ARHGAP15: variants seen among roughly 807,000 people sequenced by gnomAD.
ARHGAP15 encodes Rho GTPase activating protein 15.
Under a neutral mutation model 63.7 loss-of-function variants are expected in ARHGAP15, and 51 were observed. The observed-to-expected ratio is 0.80, with a 90% CI of 0.64 to 1.01. The LOEUF (loss-of-function observed/expected upper bound fraction) is 1.01. ARHGAP15 is among the 50% of genes least tolerant of loss of function. The pLI, the probability that ARHGAP15 is intolerant of heterozygous loss-of-function variation, is 0.00. For synonymous variants in ARHGAP15, 191 were observed against 193.8 expected (o/e 0.99, Z 0.12); for missense variants, 560 against 564.6 (o/e 0.99, Z 0.08).
intron 9 of ARHGAP15, among the ~76,000 whole-genome samples, chr2:143,493,012 T>C (rs1422979733): frequency 5.6e-5 from 8 of 144,042 alleles, no homozygotes. Flanking sequence ...GAGCCGAGAA[T>C]ACGCCACTGC....
chr2:143,511,194 T>C (rs1014269547), intron 9 of ARHGAP15, among the ~76,000 whole-genome samples: 2 of 152,234 alleles, frequency 1.3e-5, no homozygotes, highest in East Asian at 1.9e-4. Flanking sequence ...ATTCTCTAGT[T>C]AAACACTAAT....
chr2:143,257,668 C>T (rs1049886777), intron 6 of ARHGAP15, among the ~76,000 whole-genome samples: 8 of 152,088 alleles, frequency 5.3e-5, no homozygotes, highest in Non-Finnish European at 1.5e-5. Flanking sequence ...GTGGTAGTCT[C>T]TATGCCATCC....
chr2:143,754,971 G>C (rs1438317450), intron 13 of ARHGAP15, among the ~76,000 whole-genome samples: 1 of 152,184 alleles, frequency 6.6e-6, no homozygotes, highest in Non-Finnish European at 1.5e-5. Context: ...TGAGGGCACA[G>C]TGTTGCTGAC....
At chr2:143,713,122 T>C (rs1323545120) in intron 13 of ARHGAP15, among the ~76,000 whole-genome samples, 1 of 152,238 alleles carries the variant, frequency 6.6e-6, no homozygotes, top group Non-Finnish European at 1.5e-5. Context: ...TCCATTTTCA[T>C]GCTTCTGATA....
chr2:143,766,305 C>A (rs1184275604), intron 13 of ARHGAP15, among the ~76,000 whole-genome samples: 2 of 152,142 alleles, frequency 1.3e-5, no homozygotes, highest in Non-Finnish European at 2.9e-5. Context: ...TTCTCCCAAC[C>A]AGGACGTAAC....
At chr2:143,372,349 TAAAAAAAAAAAA>T (rs35140789) in intron 6 of ARHGAP15, among the ~76,000 whole-genome samples, 2 of 114,200 alleles carry the variant, frequency 1.8e-5, no homozygotes, top group East Asian at 5.1e-4. Flanking sequence ...GTAGTCGATT[TAAAAAAAAAAAA>T]AAAAAAAAAA....
At chr2:143,190,923 A>C (rs565918256) in intron 2 of ARHGAP15, among the ~76,000 whole-genome samples, 1 of 152,136 alleles carries the variant, frequency 6.6e-6, no homozygotes, top group Non-Finnish European at 1.5e-5. Context: ...GGCGTGCGTC[A>C]CCATGCCCAG....
At chr2:143,631,747 A>G (rs371421592) in intron 12 of ARHGAP15, among the ~76,000 whole-genome samples, 1 of 152,024 alleles carries the variant, frequency 6.6e-6, no homozygotes, top group African/African-American at 2.4e-5. Flanking sequence ...CACCCATTCT[A>G]TGGCTTTGTT....
intron 11 of ARHGAP15, among the ~76,000 whole-genome samples, chr2:143,608,920 A>G (rs149043702): frequency 6.6e-6 from 1 of 152,332 alleles, no homozygotes; most frequent in African/African-American, 2.4e-5. Flanking sequence ...TTTAGAATGA[A>G]AAACTTCAGC....
chr2:143,435,644 T>C lies in ARHGAP15; in HGVS notation c.518T>C (p.Ile173Thr). ...SGNEFLLQSD[I>T]DFIILDWFHA... ...AATGAGTTCCTTCTACAGTCAGATA[T>C]TGACTTCATCATATTGGATTGGTTC... The change falls in exon 7 of 14, where the codon ATT becomes ACT. Residue 173 changes from isoleucine (I) to threonine (T), a missense_variant. Physicochemically the swap from Ile to Thr is moderately conservative, Grantham distance 89. Coordinates refer to ENST00000295095, the MANE Select transcript of ARHGAP15 (RefSeq NM_018460.4). 3 of 1,606,508 alleles carry C rather than the reference T, an allele frequency of 1.9e-6. No homozygotes were observed. The highest frequency in any genetic ancestry group is 2.5e-6 in the Non-Finnish European group (3 of 1,177,588).
Position 143,203,527 on chromosome 2 carries a change from T to C in ARHGAP15, c.234+1325T>C, listed in dbSNP as rs115735078. On this transcript the variant is annotated intron_variant, in intron 3 of 13. Coordinates refer to ENST00000295095, the MANE Select transcript of ARHGAP15 (RefSeq NM_018460.4). ...TGAATCAATTGCCTAGTGGGTACAA[T>C]GCTCACTGTTTGGGTAGTGGGTACA... Among the ~76,000 whole-genome samples, 543 of 152,226 alleles carry C rather than the reference T, an allele frequency of 3.6e-3. 4 individuals are homozygous for C. Among genetic ancestry groups the C allele is most frequent in the African/African-American group, 0.012 (501 of 41,540 alleles).
In ARHGAP15 at chr2:143,186,748, T is replaced by A. The variant is rs544891835; in HGVS notation, c.166-15386T>A. Among the ~76,000 whole-genome samples the A allele has an allele frequency of 9.8e-4, 149 of 152,330 alleles. No individual in the cohort carries two copies. In the Middle Eastern group the frequency reaches 0.01, roughly 10 times the overall value. ...ATTTCTCCCGAAACAAACACTTTGA[T>A]CATTTAAAAATGATGGCTCTTGCTG... On this transcript the variant is annotated intron_variant, in intron 2 of 13. Coordinates refer to ENST00000295095, the MANE Select transcript of ARHGAP15 (RefSeq NM_018460.4).
intron 8 of ARHGAP15, among the ~76,000 whole-genome samples, chr2:143,481,497 TC>T (rs1393086714): frequency 2.0e-5 from 3 of 152,118 alleles, no homozygotes; most frequent in Non-Finnish European, 4.4e-5. Flanking sequence ...CAAAATAAGG[TC>T]CCCAGAAAGA....
intron 6 of ARHGAP15, among the ~76,000 whole-genome samples, chr2:143,270,130 G>A (rs1472272278): frequency 1.3e-5 from 2 of 151,914 alleles, no homozygotes; most frequent in Admixed American, 6.6e-5. Flanking sequence ...GCACCCCCAC[G>A]CCTGGCTAAT....
intron 13 of ARHGAP15, among the ~76,000 whole-genome samples, chr2:143,733,346 G>C (rs1685622003): frequency 6.6e-6 from 1 of 152,158 alleles, no homozygotes; most frequent in East Asian, 1.9e-4. Context: ...GCAGGCATGT[G>C]TGTGACCAAA....
chr2:143,583,796 T>A (rs929632214), intron 11 of ARHGAP15, among the ~76,000 whole-genome samples: 8 of 152,226 alleles, frequency 5.3e-5, no homozygotes, highest in Admixed American at 4.6e-4. Context: ...GTTTTATGTT[T>A]TTGTATTTGA....
At chr2:143,530,231 TTTTG>T (rs537990798) in intron 10 of ARHGAP15, among the ~76,000 whole-genome samples, 25 of 152,254 alleles carry the variant, frequency 1.6e-4, no homozygotes, top group Admixed American at 1.4e-3. Context: ...GGGTTTTGTT[TTTTG>T]TTTGTTTTGT....
intron 8 of ARHGAP15, among the ~76,000 whole-genome samples, chr2:143,445,167 T>A (rs891241347): frequency 3.0e-5 from 4 of 133,226 alleles, no homozygotes; most frequent in African/African-American, 1.1e-4. Context: ...TTTTTTTTTT[T>A]TTTTTTTTTT....
At chr2:143,695,292 TTAG>T (rs920076161) in intron 12 of ARHGAP15, among the ~76,000 whole-genome samples, 3 of 152,184 alleles carry the variant, frequency 2.0e-5, no homozygotes, top group Non-Finnish European at 4.4e-5. Context: ...TAAGGATGAA[TTAG>T]TATCTTTGTA....
Sources: allele counts gnomAD v4.1 joint callset (sites outside exome capture counted in the v4.1 genomes callset), GRCh38; gene constraint gnomAD v4.1.1; transcripts MANE v1.5; gene names NCBI Gene and HGNC (gene_info 2026-07-23, HGNC 2026-07-21).